The following DYM variants were observed in gnomAD, a reference collection of about 807,000 sequenced individuals.
DYM encodes the protein dymeclin, also known as dyggve-Melchior-Clausen syndrome protein.
DYM carries 78 observed loss-of-function variants against 93.1 expected under a neutral mutation model. That is an observed-to-expected ratio of 0.84 (90% CI 0.70 to 1.01). The LOEUF is 1.01. Among genes scored for constraint, DYM ranks in the 50% least tolerant of loss-of-function variants. The pLI, the probability that DYM is intolerant of heterozygous loss-of-function variation, is 0.00. For synonymous variants in DYM, 321 were observed against 319.7 expected (o/e 1.00, Z -0.04); for missense variants, 789 against 845.0 (o/e 0.93, Z 0.82).
intron 2 of DYM, among the ~76,000 whole-genome samples, chr18:49,399,931 T>TTTA (rs2070585558): frequency 1.5e-5 from 2 of 131,266 alleles, no homozygotes; most frequent in African/African-American, 2.8e-5. Flanking sequence ...TATTTTTATT[T>TTTA]TTCTTTTTTT....
intron 14 of DYM, among the ~76,000 whole-genome samples, chr18:49,196,330 C>G (rs1039699515): frequency 6.6e-6 from 1 of 152,084 alleles, no homozygotes; most frequent in African/African-American, 2.4e-5. Context: ...CTGAGCAAGT[C>G]TGCAAAAAGT....
chr18:49,234,053 T>C (rs1416089029), intron 13 of DYM, among the ~76,000 whole-genome samples: 2 of 151,988 alleles, frequency 1.3e-5, no homozygotes, highest in Non-Finnish European at 2.9e-5. Context: ...GGCATGAACC[T>C]GGGAGGCGGA....
intron 16 of DYM, chr18:49,116,248 T>C (rs2081913903): frequency 6.6e-6 from 1 of 152,354 alleles, no homozygotes. Flanking sequence ...ATAGCAGTGT[T>C]GCTTGGTAAC....
intron 14 of DYM, among the ~76,000 whole-genome samples, chr18:49,167,644 C>A (rs559088844): frequency 1.3e-5 from 2 of 152,036 alleles, no homozygotes; most frequent in Non-Finnish European, 2.9e-5. Flanking sequence ...TTGCATTCAA[C>A]GTACTTACCC....
intron 2 of DYM, among the ~76,000 whole-genome samples, chr18:49,409,698 G>C (rs1021675036): frequency 5.9e-5 from 9 of 152,172 alleles, no homozygotes; most frequent in Non-Finnish European, 1.2e-4. Flanking sequence ...AAGAATTCAA[G>C]TTTCCACAAT....
rs1192654129 is a variant in DYM at position 49,036,941 on chromosome 18, G to A, written c.*7114C>T. Among the ~76,000 whole-genome samples, 1 of 152,010 alleles carries A rather than the reference G, an allele frequency of 6.6e-6. No individual in the cohort carries two copies. Among genetic ancestry groups the A allele is most frequent in the South Asian group, 2.1e-4 (1 of 4,832 alleles). On this transcript the variant is annotated 3_prime_UTR_variant, in exon 18 of 18. Transcript: ENST00000675505. The stretch of plus-strand genomic sequence containing the variant: ...TTTTGGGACGGAGTCTCGCTCTGTT[G>A]CCCAGGCTGGAGTGCAGTGGCACAA...
At chr18:49,430,840 G>A (rs1384744074) in intron 1 of DYM, among the ~76,000 whole-genome samples, 3 of 150,210 alleles carry the variant, frequency 2.0e-5, no homozygotes, top group Admixed American at 1.3e-4. Context: ...GGCCAAGATC[G>A]CGCCACTGCA....
At chr18:49,085,627 T>TTTTTTTTTTG (rs2078445622) in intron 17 of DYM, among the ~76,000 whole-genome samples, 1 of 148,896 alleles carries the variant, frequency 6.7e-6, no homozygotes, top group African/African-American at 2.5e-5. Context: ...TTTTTTTTTT[T>TTTTTTTTTTG]GATGGAGTCT....
At chr18:49,225,175 T>TCAA (rs1466916885) in intron 13 of DYM, among the ~76,000 whole-genome samples, 2 of 152,158 alleles carry the variant, frequency 1.3e-5, no homozygotes, top group Non-Finnish European at 2.9e-5. Context: ...GCATTAAGTT[T>TCAA]CCAGGGGAAA....
chr18:49,106,230 C>T (rs937663887), intron 16 of DYM, among the ~76,000 whole-genome samples: 1 of 152,118 alleles, frequency 6.6e-6, no homozygotes, highest in African/African-American at 2.4e-5. Context: ...AGGATTGCAA[C>T]CCCTGCCTTT....
chr18:49,102,818 A>T (rs559058343), intron 16 of DYM, among the ~76,000 whole-genome samples: 10 of 152,262 alleles, frequency 6.6e-5, no homozygotes, highest in African/African-American at 1.7e-4. Context: ...TCTATCATTG[A>T]TGGACATTTG....
chr18:49,332,651 T>C (rs914808938), intron 7 of DYM, among the ~76,000 whole-genome samples: 2 of 152,210 alleles, frequency 1.3e-5, no homozygotes, highest in Admixed American at 1.3e-4. Flanking sequence ...TTCTTTAATG[T>C]ACTATTGAGC....
intron 16 of DYM, among the ~76,000 whole-genome samples, chr18:49,109,431 C>A (rs1030825034): frequency 2.0e-5 from 3 of 152,090 alleles, no homozygotes; most frequent in African/African-American, 7.2e-5. Flanking sequence ...ATACTATACA[C>A]CTTTAATTAT....
intron 8 of DYM, among the ~76,000 whole-genome samples, chr18:49,295,243 G>T (rs144800584): frequency 1.3e-5 from 2 of 152,212 alleles, no homozygotes; most frequent in African/African-American, 4.8e-5. Context: ...TGCATTTCAG[G>T]ACAAACACTG....
chr18:49,370,829 C>T (rs1330081557), intron 5 of DYM, among the ~76,000 whole-genome samples: 1 of 152,200 alleles, frequency 6.6e-6, no homozygotes, highest in Admixed American at 6.5e-5. Flanking sequence ...AATAAGCCCT[C>T]CTGTACAAAA....
At chr18:49,145,768 G>T (rs1024977849) in intron 15 of DYM, among the ~76,000 whole-genome samples, 1 of 152,198 alleles carries the variant, frequency 6.6e-6, no homozygotes, top group Non-Finnish European at 1.5e-5. Flanking sequence ...TGATGGAGCT[G>T]TAGGTAGAAG....
intron 3 of DYM, among the ~76,000 whole-genome samples, chr18:49,380,245 T>G (rs913155826): frequency 6.6e-6 from 1 of 152,204 alleles, no homozygotes; most frequent in Non-Finnish European, 1.5e-5. Flanking sequence ...GGGGAGCTAT[T>G]TGACCAGACA....
intron 14 of DYM, among the ~76,000 whole-genome samples, chr18:49,183,262 G>C (rs1391242525): frequency 1.3e-5 from 2 of 152,162 alleles, no homozygotes; most frequent in Non-Finnish European, 2.9e-5. Flanking sequence ...GCCAGTCATT[G>C]ATAGTCTTTT....
chr18:49,437,818 G>A (rs973059240), intron 1 of DYM, among the ~76,000 whole-genome samples: 1 of 152,150 alleles, frequency 6.6e-6, no homozygotes, highest in Non-Finnish European at 1.5e-5. Context: ...CCGTGAATAA[G>A]ACCATTACCT....
Sources: allele counts gnomAD v4.1 joint callset (sites outside exome capture counted in the v4.1 genomes callset), GRCh38; gene constraint gnomAD v4.1.1; transcripts MANE v1.5; gene names NCBI Gene and HGNC (gene_info 2026-07-23, HGNC 2026-07-21).